The following SMYD3 variants were observed in gnomAD, a reference collection of about 807,000 sequenced individuals.
The protein encoded by SMYD3 is histone-lysine N-methyltransferase SMYD3.
SMYD3 carries 36 observed loss-of-function variants against 57.7 expected under a neutral mutation model. The observed-to-expected ratio is 0.62, with a 90% confidence interval of 0.48 to 0.82. SMYD3 has a LOEUF of 0.82. Among genes scored for constraint, SMYD3 ranks in the 40% least tolerant of loss-of-function variants. SMYD3 has a pLI of 0.00. For missense variants in SMYD3, 515 were observed against 538.8 expected, an observed-to-expected ratio of 0.96 and a Z score of 0.44; for synonymous variants, 211 against 195.0, an observed-to-expected ratio of 1.08 and a Z score of -0.68.
intron 5 of SMYD3, among the ~76,000 whole-genome samples, chr1:246,229,274 T>C (rs1433597839): frequency 2.0e-5 from 3 of 152,182 alleles, no homozygotes; most frequent in African/African-American, 7.2e-5. Context: ...GCAATAATTC[T>C]TTGAAATCCA....
intron 7 of SMYD3, among the ~76,000 whole-genome samples, chr1:245,918,214 T>C (rs897813733): frequency 6.6e-6 from 1 of 152,190 alleles, no homozygotes; most frequent in Admixed American, 6.5e-5. Context: ...ATACAGACAA[T>C]GACGTTACTG....
chr1:246,411,710 C>T (rs574637204), intron 1 of SMYD3, among the ~76,000 whole-genome samples: 2 of 151,646 alleles, frequency 1.3e-5, no homozygotes, highest in South Asian at 4.2e-4. Flanking sequence ...TCATTCTCAG[C>T]AATCTATCCC....
intron 2 of SMYD3, among the ~76,000 whole-genome samples, chr1:246,348,077 T>TATAAATATATATATATATATATAC: frequency 1.2e-5 from 1 of 86,488 alleles, no homozygotes; most frequent in African/African-American, 4.0e-5. Flanking sequence ...TATATATATA[T>TATAAATATATATATATATATATAC]ACACACACAC....
intron 2 of SMYD3, among the ~76,000 whole-genome samples, chr1:246,336,464 G>T (rs1325301302): frequency 6.6e-6 from 1 of 152,080 alleles, no homozygotes; most frequent in Non-Finnish European, 1.5e-5. Flanking sequence ...CAAAATCAAT[G>T]TGCTGTTCAT....
chr1:246,410,626 A>C (rs1392030250), intron 1 of SMYD3, among the ~76,000 whole-genome samples: 2 of 152,250 alleles, frequency 1.3e-5, no homozygotes, highest in East Asian at 3.9e-4. Context: ...ATTGGGTAAA[A>C]TTCTCTTTTT....
At position 246,387,196 on chromosome 1, in the gene SMYD3, C is replaced by G. The variant is rs377672468; in HGVS notation, c.165-32102G>C. On this transcript the variant is annotated intron_variant, in intron 1 of 11. Transcript: ENST00000490107. ...CCACCGCATGAGGCAACGTACTTAG[C>G]ATATGGTATACGGTATGAGCTTTAG... Among the ~76,000 whole-genome samples, 163 of 152,302 alleles carry G rather than the reference C, an allele frequency of 1.1e-3. 1 individual carries two copies. The highest frequency in any genetic ancestry group is 3.9e-3 in the African/African-American group (162 of 41,562).
At chr1:246,323,923 A>C (rs1423661318) in intron 5 of SMYD3, among the ~76,000 whole-genome samples, 1 of 151,686 alleles carries the variant, frequency 6.6e-6, no homozygotes, top group African/African-American at 2.4e-5. Flanking sequence ...GTGAACTGTA[A>C]GTATTAAAAA....
chr1:245,809,632 C>T (rs2048355328), intron 10 of SMYD3, among the ~76,000 whole-genome samples: 1 of 152,206 alleles, frequency 6.6e-6, no homozygotes, highest in Non-Finnish European at 1.5e-5. Flanking sequence ...CAAGTAAAGG[C>T]TGAAAGCTTG....
At chr1:245,754,993 G>T (rs951910761) in intron 11 of SMYD3, among the ~76,000 whole-genome samples, 4 of 152,170 alleles carry the variant, frequency 2.6e-5, no homozygotes, top group Non-Finnish European at 5.9e-5. Flanking sequence ...CTTTCCAGTG[G>T]TAGTAGCCAT....
chr1:246,139,542 T>C (rs1308579458), intron 5 of SMYD3, among the ~76,000 whole-genome samples: 1 of 152,214 alleles, frequency 6.6e-6, no homozygotes, highest in East Asian at 1.9e-4. Context: ...CCTTTGTCAA[T>C]TCACAGCAAA....
intron 10 of SMYD3, among the ~76,000 whole-genome samples, chr1:245,793,219 G>A (rs1235022385): frequency 6.6e-6 from 1 of 151,668 alleles, no homozygotes; most frequent in Non-Finnish European, 1.5e-5. Context: ...TGAGGCAGGA[G>A]AATCGCTTGA....
At chr1:246,339,790 T>C (rs945803020) in intron 2 of SMYD3, among the ~76,000 whole-genome samples, 1 of 152,168 alleles carries the variant, frequency 6.6e-6, no homozygotes, top group Non-Finnish European at 1.5e-5. Flanking sequence ...ATTGCAACAG[T>C]GGGTTTGCTA....
chr1:246,192,018 T>C (rs549979709), intron 5 of SMYD3, among the ~76,000 whole-genome samples: 1 of 152,284 alleles, frequency 6.6e-6, no homozygotes, highest in East Asian at 1.9e-4. Context: ...ACGGAAAAAA[T>C]TAAGAATCAT....
At chr1:246,106,392 A>G (rs920003013) in intron 5 of SMYD3, among the ~76,000 whole-genome samples, 6 of 152,228 alleles carry the variant, frequency 3.9e-5, no homozygotes, top group Non-Finnish European at 8.8e-5. Context: ...TAGTTAAATA[A>G]AGATAGTCCC....
chr1:246,270,113 T>C (rs1217252830), intron 5 of SMYD3, among the ~76,000 whole-genome samples: 3 of 137,090 alleles, frequency 2.2e-5, no homozygotes, highest in African/African-American at 7.6e-5. Context: ...TCTTAATCCC[T>C]GAAAGAACTG....
At chr1:245,849,358 G>A (rs143383235) in intron 10 of SMYD3, among the ~76,000 whole-genome samples, 41 of 152,272 alleles carry the variant, frequency 2.7e-4, no homozygotes, top group African/African-American at 9.1e-4. Flanking sequence ...ATTTGGCATC[G>A]GGAGGATATT....
chr1:246,138,860 TC>T (rs1309047792), intron 5 of SMYD3, among the ~76,000 whole-genome samples: 1 of 152,174 alleles, frequency 6.6e-6, no homozygotes, highest in Non-Finnish European at 1.5e-5. Flanking sequence ...CATAATCTAA[TC>T]CCTTTTGTAT....
intron 8 of SMYD3, among the ~76,000 whole-genome samples, chr1:245,876,492 A>G (rs866152480): frequency 1.3e-5 from 2 of 152,222 alleles, no homozygotes; most frequent in Non-Finnish European, 2.9e-5. Flanking sequence ...TCGTGCCGAC[A>G]TGGTTAAGAC....
intron 8 of SMYD3, among the ~76,000 whole-genome samples, chr1:245,885,060 C>T (rs561772099): frequency 1.4e-4 from 21 of 152,082 alleles, no homozygotes; most frequent in Non-Finnish European, 2.4e-4. Flanking sequence ...CTGAAGTCAG[C>T]GAGACCACAC....
Sources: gnomAD v4.1 joint callset for allele counts (sites outside exome capture counted in the v4.1 genomes callset) on GRCh38, gnomAD v4.1.1 for gene constraint, MANE v1.5 for transcripts, NCBI Gene and HGNC (gene_info 2026-07-23, HGNC 2026-07-21) for gene names.